The following CPAMD8 variants were observed in gnomAD, a reference collection of about 807,000 sequenced individuals.
CPAMD8 encodes C3 and PZP-like alpha-2-macroglobulin domain-containing protein 8.
CPAMD8 carries 146 observed loss-of-function variants against 224.7 expected under a neutral mutation model. That is an observed-to-expected ratio of 0.65 (90% confidence interval 0.57 to 0.75). CPAMD8 has a LOEUF of 0.75. Among genes scored for constraint, CPAMD8 ranks in the 30% least tolerant of loss-of-function variants. The pLI is 0.00. For synonymous variants in CPAMD8, 966 were observed against 1,044.6 expected (o/e 0.92, Z 1.45); for missense variants, 2,301 against 2,537.5 (o/e 0.91, Z 2.00).
At chr19:16,988,333 G>T (rs1036794169) in intron 13 of CPAMD8, among the ~76,000 whole-genome samples, 1 of 152,150 alleles carries the variant, frequency 6.6e-6, no homozygotes, top group Non-Finnish European at 1.5e-5. Flanking sequence ...GCAACGAGCC[G>T]GGCGTGGTGG....
At chr19:17,002,239 T>G in intron 9 of CPAMD8, 27 bp downstream of exon 9, 1 of 1,473,474 alleles carries the variant, frequency 6.8e-7, no homozygotes, top group Non-Finnish European at 9.4e-7. Flanking sequence ...GCCCCCCCAG[T>G]GTGCCCCAGG....
chr19:17,024,682 G>C (rs2057034717), intron 1 of CPAMD8, among the ~76,000 whole-genome samples: 1 of 152,202 alleles, frequency 6.6e-6, no homozygotes, highest in Non-Finnish European at 1.5e-5. Flanking sequence ...AGTTGCAGCT[G>C]TTTCCAGCTG....
At chr19:16,904,176 A>AGGCCCCCCCCCC in intron 32 of CPAMD8, 50 bp downstream of exon 32, 1 of 937,334 alleles carries the variant, frequency 1.1e-6, no homozygotes, top group Non-Finnish European at 1.7e-6. Context: ...GACTGCAGGG[A>AGGCCCCCCCCCC]CCCCACCCAC....
chr19:16,907,071 G>A lies in CPAMD8; in HGVS notation c.3908C>T (p.Ala1303Val), dbSNP rs745733325. The change falls in exon 30 of 42, where the codon GCT becomes GTT. Residue 1303 changes from alanine (A) to valine (V), a missense_variant. This residue lies in a region of CPAMD8 where 1,709 missense variants were observed against 1,753.2 expected (regional missense o/e 0.97). Transcript: ENST00000443236. ...TDKARHFLES[A>V]APLAMDPYSC... Reference sequence around the variant, plus strand: ...ATAAGGGTCCATGGCCAGGGGCGCAGCAGACTCCAGGAAGTGCCTCGCTTT... The same window carrying A: ...ATAAGGGTCCATGGCCAGGGGCGCAACAGACTCCAGGAAGTGCCTCGCTTT... 4 of 1,597,212 alleles carry A rather than the reference G, an allele frequency of 2.5e-6. No individual in the cohort carries two copies. The highest frequency in any genetic ancestry group is 1.1e-5 in the South Asian group (1 of 88,508).
chr19:16,951,106 C>G (rs2054285271), intron 20 of CPAMD8, among the ~76,000 whole-genome samples: 1 of 152,178 alleles, frequency 6.6e-6, no homozygotes, highest in Admixed American at 6.6e-5. Flanking sequence ...TTCTCAGTGT[C>G]TACTGAGACT....
Position 16,896,659 on chromosome 19 carries a change from A to T in CPAMD8, c.5072T>A (p.Phe1691Tyr), listed in dbSNP as rs1027223869. ...ERAPARGPGW[F>Y]PGESGPAVAP... ...CACGGCAGGGCCCGACTCGCCGGGG[A>T]ACCAGCCTGGGGGACGAGGCAGGCT... Residue 1691 changes from phenylalanine (F) to tyrosine (Y), a missense_variant, in exon 40 of 42, where the codon TTC becomes TAC. This residue lies in a region of CPAMD8 where 1,709 missense variants were observed against 1,753.2 expected (regional missense o/e 0.97). Transcript: ENST00000443236. The T allele has an allele frequency of 6.0e-5, 87 of 1,457,758 alleles. No homozygotes were observed. The highest frequency in any genetic ancestry group is 2.4e-4 in the Admixed American group (10 of 41,520). The allele number at this position is 1,457,758 out of a possible 1,614,324, so 90.3% of individuals were successfully genotyped here.
At chr19:17,022,334 A>T (rs1347541314) in intron 1 of CPAMD8, among the ~76,000 whole-genome samples, 153 bp from the exon 2 acceptor site, 1 of 151,938 alleles carries the variant, frequency 6.6e-6, no homozygotes, top group Non-Finnish European at 1.5e-5. Flanking sequence ...GTGCCCCCCC[A>T]TCAGTTCTTG....
In CPAMD8 at chr19:16,937,444, T is replaced by C. The variant is rs553940172; in HGVS notation, c.2845+951A>G. On this transcript the variant is annotated intron_variant, in intron 23 of 41. Coordinates refer to ENST00000443236, the MANE Select transcript of CPAMD8 (RefSeq NM_015692.5). Reference sequence around the variant, plus strand: ...ATGATCCATTTAGGGTTCATTCTCGTGTAAGGTGTGATCTTTAGGTCCAGC... The same window carrying C: ...ATGATCCATTTAGGGTTCATTCTCGCGTAAGGTGTGATCTTTAGGTCCAGC... Among the ~76,000 whole-genome samples, 162 of 152,216 alleles carry C rather than the reference T, an allele frequency of 1.1e-3. 2 individuals are homozygous for C. Among genetic ancestry groups the C allele is most frequent in the African/African-American group, 3.5e-3 (147 of 41,530 alleles).
chr19:16,990,863 C>CAAAAAAAAAAAAAAAAAAAAAAA (rs3067791), intron 12 of CPAMD8, among the ~76,000 whole-genome samples: 5 of 73,176 alleles, frequency 6.8e-5, no homozygotes, highest in Non-Finnish European at 7.4e-5. Context: ...AACTCTGTCT[C>CAAAAAAAAAAAAAAAAAAAAAAA]AAAAAAAAAA....
rs372713049 is a variant in CPAMD8 at position 16,981,066 on chromosome 19, C to T, written c.1396-380G>A. 2.2e-5 allele frequency among the ~76,000 whole-genome samples: 3 copies of T among 136,022 alleles called. 1 individual carries two copies. The highest frequency in any genetic ancestry group is 1.0e-4 in the African/African-American group (3 of 30,018). 89.2% of individuals were successfully genotyped at this position (136,022 alleles called of 152,430 possible). A position where few individuals can be genotyped will look rare whatever the true frequency, so the allele number is the denominator to read the frequency against. On this transcript the variant is annotated intron_variant, in intron 13 of 41. Transcript: ENST00000443236. ...CAGGCTGGTCTCGAACTCCTGACCT[C>T]GTGATCCCAGTATTTTGGGCTCACG... is the stretch of plus-strand genomic sequence containing the variant.
In CPAMD8 at chr19:16,899,701, C is replaced by A; in HGVS notation, c.4774-152G>T. ...CTGGTCAGTGCTCCCCAGGCCCTGCCAGCCTCTCAGCACCCAGGAGAGGAC... is the reference window on the plus strand; with the variant it reads ...CTGGTCAGTGCTCCCCAGGCCCTGCAAGCCTCTCAGCACCCAGGAGAGGAC... On this transcript the variant is annotated intron_variant, in intron 36 of 41. Transcript: ENST00000443236. This position sits in a 1 kb window ranked among gnomAD's most constrained non-coding sequence, Gnocchi z 5.4. 1.6e-6 allele frequency: 1 copy of A among 612,404 alleles called. No homozygotes were observed. The allele number at this position is 612,404 out of a possible 1,614,324, so 37.9% of individuals were successfully genotyped here.
intron 1 of CPAMD8, among the ~76,000 whole-genome samples, chr19:17,026,245 T>C (rs1335402362): frequency 2.0e-5 from 3 of 152,090 alleles, no homozygotes; most frequent in African/African-American, 7.2e-5. Context: ...TCCTCTTACC[T>C]TCATACCTTG....
rs1235855416 is a variant in CPAMD8 at position 16,945,695 on chromosome 19, G to A, written c.2663-16C>T. On this transcript the variant is annotated splice_polypyrimidine_tract_variant and intron_variant, in intron 21 of 41. Transcript: ENST00000443236. ...AGGGCTTTGGCTGCAGAAATTTGATGTCTTGGTCTCAGAACAGGTCTCCAC... is the reference window on the plus strand; with the variant it reads ...AGGGCTTTGGCTGCAGAAATTTGATATCTTGGTCTCAGAACAGGTCTCCAC... 5.6e-6 allele frequency: 9 copies of A among 1,613,650 alleles called. No homozygotes were observed. The highest frequency in any genetic ancestry group is 7.6e-6 in the Non-Finnish European group (9 of 1,179,572).
intron 9 of CPAMD8, among the ~76,000 whole-genome samples, chr19:17,001,669 G>A (rs1347226063): frequency 2.6e-5 from 4 of 152,038 alleles, no homozygotes; most frequent in Admixed American, 2.6e-4. Context: ...TCATGTGGCA[G>A]GGAGACACCG....
intron 20 of CPAMD8, 80 bp downstream of exon 20, chr19:16,951,889 C>A (rs2054307735): frequency 3.3e-6 from 3 of 896,882 alleles, no homozygotes; most frequent in Non-Finnish European, 5.3e-6. Context: ...ACTGTCCCAC[C>A]CCTGCCTACC....
chr19:16,925,443 C>A, intron 25 of CPAMD8, 71 bp from the exon 26 acceptor site: 1 of 1,269,556 alleles, frequency 7.9e-7, no homozygotes, highest in Non-Finnish European at 1.1e-6. Context: ...CAGCTTTACC[C>A]AGGGATGGGA....
chr19:17,016,888 C>T (rs1178371133), intron 3 of CPAMD8, among the ~76,000 whole-genome samples: 1 of 143,372 alleles, frequency 7.0e-6, no homozygotes, highest in Non-Finnish European at 1.5e-5. Flanking sequence ...GTTCTAGGGT[C>T]TTTTTTTTTT....
Position 17,026,567 on chromosome 19 carries a change from C to T in CPAMD8, c.76G>A (p.Ala26Thr), listed in dbSNP as rs748684131. The T allele has an allele frequency of 6.6e-7, 1 of 1,526,196 alleles. No homozygotes were observed. Among genetic ancestry groups the T allele is most frequent in the Non-Finnish European group, 8.7e-7 (1 of 1,145,924 alleles). 94.5% of individuals were successfully genotyped at this position (1,526,196 alleles called of 1,614,324 possible). The change falls in exon 1 of 42, where the codon GCG becomes ACG. Residue 26 changes from alanine (A) to threonine (T), a missense_variant. Physicochemically the swap from Ala to Thr is moderately conservative, Grantham distance 58. Coordinates refer to ENST00000443236, the MANE Select transcript of CPAMD8 (RefSeq NM_015692.5). ...LLSARDGVRA[A>T]QPQAPGYLIA... Reference sequence around the variant, plus strand: ...GATACTCACGGGGCCTGAGGCTGCGCGGCGCGCACGCCGTCCCGCGCCGAC... The same window carrying T: ...GATACTCACGGGGCCTGAGGCTGCGTGGCGCGCACGCCGTCCCGCGCCGAC...
Position 17,000,434 on chromosome 19 carries a change from G to C in CPAMD8, c.847C>G (p.Pro283Ala). 6.7e-7 allele frequency: 1 copy of C among 1,485,702 alleles called. No individual in the cohort carries two copies. Among genetic ancestry groups the C allele is most frequent in the Non-Finnish European group, 9.4e-7 (1 of 1,062,702 alleles). 92.0% of individuals were successfully genotyped at this position (1,485,702 alleles called of 1,614,324 possible). A position where few individuals can be genotyped will look rare whatever the true frequency, so the allele number is the denominator to read the frequency against. The change falls in exon 10 of 42, where the codon CCT becomes GCT. Residue 283 changes from proline to alanine, a missense_variant. Coordinates refer to ENST00000443236, the MANE Select transcript of CPAMD8 (RefSeq NM_015692.5). ...VGYYSHEVGR[P>A]VLRTTKILGS... ...CTCACCTTGGTTGTTCTGAGGACAG[G>C]GCGTCCCACCTCGTGGCTGTAGTAC...
Sources: allele counts gnomAD v4.1 joint callset (sites outside exome capture counted in the v4.1 genomes callset), GRCh38; gene constraint gnomAD v4.1.1; regional missense constraint gnomAD v4.1.1; non-coding constraint Gnocchi (gnomAD v3.1); transcripts MANE v1.5; gene names NCBI Gene and HGNC (gene_info 2026-07-23, HGNC 2026-07-21).